FAT3: variants seen among roughly 807,000 people sequenced by gnomAD.
FAT3 encodes the protein FAT atypical cadherin 3, also known as protocadherin Fat 3.
A neutral mutation model predicts 310.2 loss-of-function variants in FAT3; 95 were observed. That is an observed-to-expected ratio of 0.31 (90% CI 0.26 to 0.36). FAT3 has a LOEUF of 0.36. Among genes scored for constraint, FAT3 ranks in the 10% least tolerant of loss-of-function variants. The pLI, the probability that FAT3 is intolerant of heterozygous loss-of-function variation, is 1.00. For missense variants in FAT3, 5,408 were observed against 5,715.6 expected (o/e 0.95, Z 1.74); for synonymous variants, 2,314 against 2,192.9 (o/e 1.06, Z -1.54).
intron 3 of FAT3, among the ~76,000 whole-genome samples, chr11:92,556,531 A>C (rs189643660): frequency 6.6e-6 from 1 of 152,194 alleles, no homozygotes; most frequent in East Asian, 1.9e-4. Context: ...CTCCCTACCC[A>C]TTGAAAAGCT....
chr11:92,762,078 G>A lies in FAT3; in HGVS notation c.3892G>A (p.Gly1298Arg), dbSNP rs2136085644. 1 of 1,613,972 alleles carries A rather than the reference G, an allele frequency of 6.2e-7. No homozygotes were observed. Among genetic ancestry groups the A allele is most frequent in the South Asian group, 1.1e-5 (1 of 91,070 alleles). The part of the protein sequence containing the change: ...NAEISYSIVD[G>R]NDDGKFFIDP... ...AGAAATCTCCTACAGTATTGTGGAT[G>A]GGAATGATGACGGAAAGTTCTTTAT... The change falls in exon 5 of 28, where the codon GGG becomes AGG. Residue 1298 changes from glycine to arginine, a missense_variant. Coordinates refer to ENST00000525166, the MANE Select transcript of FAT3 (RefSeq NM_001367949.2).
intron 19 of FAT3, among the ~76,000 whole-genome samples, chr11:92,856,362 C>T (rs1948980202): frequency 6.6e-6 from 1 of 152,132 alleles, no homozygotes; most frequent in South Asian, 2.1e-4. Flanking sequence ...TCTTTTACCA[C>T]TGAAAGTCTT....
intron 2 of FAT3, among the ~76,000 whole-genome samples, chr11:92,423,324 C>T (rs557169508): frequency 6.6e-6 from 1 of 152,212 alleles, no homozygotes; most frequent in South Asian, 2.1e-4. Flanking sequence ...TATAAAACAG[C>T]TCATTGCATT....
chr11:92,484,634 A>G (rs1301776700), intron 2 of FAT3, among the ~76,000 whole-genome samples: 1 of 152,216 alleles, frequency 6.6e-6, no homozygotes, highest in Non-Finnish European at 1.5e-5. Context: ...TATCTTATGT[A>G]AATTACTGAA....
intron 2 of FAT3, among the ~76,000 whole-genome samples, chr11:92,396,127 A>G (rs942497701): frequency 6.6e-6 from 1 of 152,192 alleles, no homozygotes; most frequent in South Asian, 2.1e-4. Context: ...ACCTACAAGC[A>G]TAGGAGTAAA....
intron 3 of FAT3, among the ~76,000 whole-genome samples, chr11:92,669,262 G>A (rs1294538538): frequency 6.6e-6 from 1 of 152,188 alleles, no homozygotes; most frequent in African/African-American, 2.4e-5. Context: ...GCTTCAGACA[G>A]ATCCCGGCTC....
intron 17 of FAT3, 31 bp from the exon 18 acceptor site, chr11:92,840,531 C>T: frequency 6.7e-7 from 1 of 1,486,624 alleles, no homozygotes; most frequent in South Asian, 1.4e-5. Flanking sequence ...TAATTTTTAT[C>T]TTCATTTTTA....
In FAT3 at chr11:92,800,736, C is replaced by T; in HGVS notation, c.7723C>T (p.Leu2575Phe). The T allele has an allele frequency of 6.2e-7, 1 of 1,613,776 alleles. No homozygotes were observed. Among genetic ancestry groups the T allele is most frequent in the Non-Finnish European group, 8.5e-7 (1 of 1,179,852 alleles). Residue 2575 changes from leucine to phenylalanine, a missense_variant, in exon 10 of 28, where the codon CTT (leucine) becomes TTT (phenylalanine). Transcript: ENST00000525166. ...EGDVSIFVRALDGGGRTTFCT... is the reference protein window; with the variant it reads ...EGDVSIFVRAFDGGGRTTFCT... ...GGATGTTAGTATTTTTGTGAGGGCC[C>T]TTGATGGTGGAGGGAGAACAACTTT... is the stretch of plus-strand genomic sequence containing the variant.
At chr11:92,428,135 C>T (rs751295465) in intron 2 of FAT3, among the ~76,000 whole-genome samples, 6 of 151,660 alleles carry the variant, frequency 4.0e-5, no homozygotes, top group Non-Finnish European at 7.4e-5. Context: ...TTATACATTT[C>T]TTCTAGATTT....
At chr11:92,420,196 A>T (rs887296603) in intron 2 of FAT3, among the ~76,000 whole-genome samples, 4 of 152,166 alleles carry the variant, frequency 2.6e-5, no homozygotes, top group Non-Finnish European at 5.9e-5. Flanking sequence ...TCACAATTTG[A>T]CTCTTTACAG....
chr11:92,429,653 G>A (rs1950720429), intron 2 of FAT3, among the ~76,000 whole-genome samples: 2 of 152,102 alleles, frequency 1.3e-5, no homozygotes, highest in Admixed American at 1.3e-4. Context: ...TTGTTTGGCT[G>A]GATATGAAAT....
chr11:92,539,862 A>G lies in FAT3; in HGVS notation c.3607+14914A>G, dbSNP rs188275990. 9.9e-4 allele frequency among the ~76,000 whole-genome samples: 151 copies of G among 152,290 alleles called. 2 individuals carry two copies. The highest frequency in any genetic ancestry group is 3.5e-3 in the African/African-American group (146 of 41,566). On this transcript the variant is annotated intron_variant, in intron 3 of 27. Transcript: ENST00000525166. ...TTTTCAAACATAATCTTTTGAACAA[A>G]GTGATAAAAGCAGGGCTGGCTTCAT... is the stretch of plus-strand genomic sequence containing the variant.
intron 1 of FAT3, among the ~76,000 whole-genome samples, chr11:92,259,996 A>G (rs1158879793): frequency 2.6e-5 from 4 of 152,052 alleles, no homozygotes; most frequent in Admixed American, 1.3e-4. Flanking sequence ...TACCAGGGAG[A>G]GGATCTATTA....
chr11:92,640,609 G>T (rs1156942661), intron 3 of FAT3, among the ~76,000 whole-genome samples: 2 of 152,192 alleles, frequency 1.3e-5, no homozygotes, highest in Non-Finnish European at 2.9e-5. Flanking sequence ...ATTGCTGTAA[G>T]TTTCATGCCA....
At chr11:92,754,499 G>T (rs1407348265) in intron 4 of FAT3, among the ~76,000 whole-genome samples, 1 of 151,256 alleles carries the variant, frequency 6.6e-6, no homozygotes, top group Non-Finnish European at 1.5e-5. Context: ...ATGGTGGCGG[G>T]TGCCTGTAGT....
intron 2 of FAT3, among the ~76,000 whole-genome samples, chr11:92,486,543 G>A (rs2135216772): frequency 6.6e-6 from 1 of 152,186 alleles, no homozygotes; most frequent in East Asian, 1.9e-4. Context: ...GTCAGATACT[G>A]TAATTAAGTG....
intron 12 of FAT3, among the ~76,000 whole-genome samples, chr11:92,807,708 T>G (rs1947544363): frequency 6.6e-6 from 1 of 152,192 alleles, no homozygotes; most frequent in African/African-American, 2.4e-5. Context: ...CTTTCTTGCC[T>G]AGTTTCTCCA....
chr11:92,259,395 A>T (rs1027232055), intron 1 of FAT3, among the ~76,000 whole-genome samples: 2 of 152,126 alleles, frequency 1.3e-5, no homozygotes, highest in Non-Finnish European at 2.9e-5. Context: ...CTTCTTTGAC[A>T]CTTAAGATGG....
Position 92,296,403 on chromosome 11 carries a change from A to G in FAT3, c.-17-55693A>G, listed in dbSNP as rs567610389. Among the ~76,000 whole-genome samples the G allele has an allele frequency of 3.3e-5, 5 of 152,220 alleles. No individual in the cohort carries two copies. The East Asian group carries it at 9.7e-4, about 30-fold the overall frequency. ...GATTGTTTAAGGGCTAAATGAGACA[A>G]TGTACACAAAGAGGAAACACTTCAT... On this transcript the variant is annotated intron_variant, in intron 1 of 27. Coordinates refer to ENST00000525166, the MANE Select transcript of FAT3 (RefSeq NM_001367949.2).
Sources: gnomAD v4.1 joint callset for allele counts (sites outside exome capture counted in the v4.1 genomes callset) on GRCh38, gnomAD v4.1.1 for gene constraint, MANE v1.5 for transcripts, NCBI Gene and HGNC (gene_info 2026-07-23, HGNC 2026-07-21) for gene names.